Variants in CECR2 observed in about 807,000 individuals in gnomAD.
CECR2 encodes chromatin remodeling regulator CECR2.
A neutral mutation model predicts 154.5 loss-of-function variants in CECR2; 30 were observed. That is an observed-to-expected ratio of 0.19 (90% CI 0.15 to 0.26). The LOEUF is 0.26. Ranked by LOEUF, CECR2 falls within the 10% of genes least tolerant of loss-of-function variation. The pLI is 1.00. For missense variants in CECR2, 1,743 were observed against 1,829.3 expected (o/e 0.95, Z 0.86); for synonymous variants, 725 against 683.7 (o/e 1.06, Z -0.94).
At chr22:17,368,919 G>C (rs2063020800), upstream of CECR2, among the ~76,000 whole-genome samples, 1 of 152,034 alleles carries the variant, frequency 6.6e-6, no homozygotes. Context: ...GGAGAAAAAA[G>C]CCACTTCAGA....
intron 1 of CECR2, among the ~76,000 whole-genome samples, chr22:17,470,485 A>C (rs1361128793): frequency 6.6e-6 from 1 of 152,112 alleles, no homozygotes; most frequent in Admixed American, 6.5e-5. Context: ...AAGAGCAACC[A>C]GACCTAGAAC....
At chr22:17,463,670 G>C (rs890138440) in intron 1 of CECR2, among the ~76,000 whole-genome samples, 4 of 152,124 alleles carry the variant, frequency 2.6e-5, no homozygotes, top group Non-Finnish European at 5.9e-5. Context: ...GTTCTGTTAA[G>C]TTTGCGCTGC....
intron 1 of CECR2, among the ~76,000 whole-genome samples, chr22:17,402,223 A>G (rs2053904882): frequency 6.6e-6 from 1 of 152,140 alleles, no homozygotes; most frequent in Non-Finnish European, 1.5e-5. Flanking sequence ...GAGCTCAGGC[A>G]GTTCACCTGC....
At chr22:17,534,390 A>C (rs1446415504) in intron 9 of CECR2, among the ~76,000 whole-genome samples, 1 of 152,230 alleles carries the variant, frequency 6.6e-6, no homozygotes. Flanking sequence ...TTCCAGATAC[A>C]CTAAAGGCCA....
At chr22:17,531,163 A>G (rs1306601473) in intron 9 of CECR2, among the ~76,000 whole-genome samples, 1 of 152,220 alleles carries the variant, frequency 6.6e-6, no homozygotes, top group African/African-American at 2.4e-5. Flanking sequence ...CAGCAGGGAA[A>G]ACATCACATG....
intron 1 of CECR2, among the ~76,000 whole-genome samples, chr22:17,424,046 A>G (rs2054295794): frequency 6.6e-6 from 1 of 152,078 alleles, no homozygotes; most frequent in Non-Finnish European, 1.5e-5. Context: ...ATAGCTCTTG[A>G]GATTCTGTCA....
chr22:17,484,906 G>A (rs994438279), intron 2 of CECR2, among the ~76,000 whole-genome samples: 3 of 152,186 alleles, frequency 2.0e-5, no homozygotes, highest in Non-Finnish European at 2.9e-5. Flanking sequence ...GCCAGATTTG[G>A]CCCTCGGGCT....
intron 1 of CECR2, among the ~76,000 whole-genome samples, chr22:17,466,307 A>G (rs1335384485): frequency 4.6e-5 from 7 of 152,180 alleles, no homozygotes; most frequent in African/African-American, 7.2e-5. Flanking sequence ...GTTTCAGGCT[A>G]TTTATTGTCG....
intron 1 of CECR2, among the ~76,000 whole-genome samples, chr22:17,475,597 T>G (rs917346428): frequency 1.3e-5 from 2 of 152,148 alleles, no homozygotes; most frequent in African/African-American, 4.8e-5. Context: ...CCGGCTAGTT[T>G]CTACATCTTT....
At chr22:17,405,969 T>C (rs2053978350) in intron 1 of CECR2, among the ~76,000 whole-genome samples, 1 of 152,234 alleles carries the variant, frequency 6.6e-6, no homozygotes, top group Admixed American at 6.5e-5. Flanking sequence ...CCCTTTTCCC[T>C]TTCTATTTCT....
At chr22:17,370,801 C>T (rs1184797819) in intron 1 of CECR2, among the ~76,000 whole-genome samples, 1 of 152,240 alleles carries the variant, frequency 6.6e-6, no homozygotes, top group African/African-American at 2.4e-5. Flanking sequence ...CGGCAGCCCC[C>T]TTTCTCCTAT....
At chr22:17,448,821 C>G (rs1479264471) in intron 1 of CECR2, among the ~76,000 whole-genome samples, 1 of 152,148 alleles carries the variant, frequency 6.6e-6, no homozygotes. Flanking sequence ...CCTCCTAATA[C>G]TGTCAGGCCT....
rs71200271 is a variant in CECR2, at chr22:17,394,197, C to CTTTTTTTTTTTTTT, written c.126+24301_126+24314dup. 4.1e-5 allele frequency among the ~76,000 whole-genome samples: 4 copies of CTTTTTTTTTTTTTT among 97,088 alleles called. 1 individual carries two copies. Among genetic ancestry groups the CTTTTTTTTTTTTTT allele is most frequent in the African/African-American group, 4.2e-5 (1 of 23,876 alleles). The allele number at this position is 97,088 out of a possible 152,430, so 63.7% of individuals were successfully genotyped here. A position where few individuals can be genotyped will look rare whatever the true frequency, so the allele number is the denominator to read the frequency against. On this transcript the variant is annotated intron_variant, in intron 1 of 18. Transcript: ENST00000262608. ...CCACCGCGCCCAGCTGCTGCCGCTG[C>CTTTTTTTTTTTTTT]TTTTTTTTTTTTTTTTTTTTTTTTT...
intron 2 of CECR2, among the ~76,000 whole-genome samples, chr22:17,482,739 T>C (rs1325695689): frequency 1.3e-5 from 2 of 148,948 alleles, no homozygotes; most frequent in African/African-American, 5.0e-5. Flanking sequence ...TTCATCATGT[T>C]GGCCATGATG....
intron 1 of CECR2, among the ~76,000 whole-genome samples, chr22:17,442,026 C>T (rs897678340): frequency 1.3e-5 from 2 of 152,130 alleles, no homozygotes; most frequent in African/African-American, 2.4e-5. Flanking sequence ...TTTCATTGAC[C>T]ATCTTCTACT....
chr22:17,389,038 C>T (rs1034877535), intron 1 of CECR2, among the ~76,000 whole-genome samples: 1 of 152,066 alleles, frequency 6.6e-6, no homozygotes, highest in Non-Finnish European at 1.5e-5. Flanking sequence ...GTCTCGAACT[C>T]CCTGAATTCA....
intron 1 of CECR2, among the ~76,000 whole-genome samples, chr22:17,391,909 C>A (rs1311881447): frequency 6.6e-6 from 1 of 152,144 alleles, no homozygotes; most frequent in African/African-American, 2.4e-5. Context: ...TCAAGCAATT[C>A]CCCCGTCTCA....
intron 2 of CECR2, among the ~76,000 whole-genome samples, chr22:17,496,220 G>A (rs1472707440): frequency 6.6e-5 from 10 of 152,088 alleles, no homozygotes; most frequent in Non-Finnish European, 5.9e-5. Flanking sequence ...AAGAAAGGAC[G>A]GGCACGGTGG....
intron 9 of CECR2, among the ~76,000 whole-genome samples, chr22:17,535,908 G>A (rs1443664398): frequency 6.6e-6 from 1 of 152,120 alleles, no homozygotes; most frequent in South Asian, 2.1e-4. Context: ...CAGTAGTCAG[G>A]CAAAGATCCT....
Sources: gnomAD v4.1 joint callset for allele counts (sites outside exome capture counted in the v4.1 genomes callset) on GRCh38, gnomAD v4.1.1 for gene constraint, MANE v1.5 for transcripts, NCBI Gene and HGNC (gene_info 2026-07-23, HGNC 2026-07-21) for gene names.